DMD: variants seen among roughly 807,000 people sequenced by gnomAD.
DMD encodes mutant dystrophin.
In DMD, 63 loss-of-function variants were observed where a neutral mutation model predicts 330.1. That is an observed-to-expected ratio of 0.19 (90% CI 0.16 to 0.24). The LOEUF is 0.24. Among genes scored for constraint, DMD ranks in the 10% least tolerant of loss-of-function variants. DMD has a pLI of 1.00. For missense variants in DMD, 3,344 were observed against 2,684.1 expected (o/e 1.25, Z -5.43); for synonymous variants, 1,223 against 959.8 (o/e 1.27, Z -5.07).
chrX:32,568,814 T>C (rs762467261), intron 15 of DMD, among the ~76,000 whole-genome samples: 1 of 111,761 alleles, frequency 8.9e-6, no homozygotes, highest in Non-Finnish European at 1.9e-5. Flanking sequence ...TGGGGCCAGA[T>C]ACATTAGATC....
chrX:32,599,914 T>A lies in DMD; in HGVS notation c.1483-4038A>T, dbSNP rs746011001. Among the ~76,000 whole-genome samples, 10 of 112,103 alleles carry A rather than the reference T, an allele frequency of 8.9e-5. No homozygotes were observed. The East Asian group carries it at 2.8e-3, about 31-fold the overall frequency. On this transcript the variant is annotated intron_variant, in intron 12 of 78. Coordinates refer to ENST00000357033, the MANE Select transcript of DMD (RefSeq NM_004006.3). ...TGTCAAATGTCAAATAATGTATTTT[T>A]TTCTTTATGACAAGAGAAAAGGCCA...
chrX:32,620,273 T>A (rs1371228305), intron 11 of DMD, among the ~76,000 whole-genome samples: 1 of 111,993 alleles, frequency 8.9e-6, no homozygotes, highest in Non-Finnish European at 1.9e-5. Context: ...TAATGTTACA[T>A]ACCACTCACA....
chrX:32,152,100 A>G (rs2096806538), intron 44 of DMD, among the ~76,000 whole-genome samples: 1 of 111,985 alleles, frequency 8.9e-6, no homozygotes, highest in African/African-American at 3.2e-5. Context: ...AATTGTTAAT[A>G]TATTTTAACT....
intron 44 of DMD, among the ~76,000 whole-genome samples, chrX:31,999,343 T>C (rs2095610205): frequency 8.9e-6 from 1 of 111,938 alleles, no homozygotes; most frequent in Admixed American, 9.5e-5. Context: ...CTGAAATTGA[T>C]AGCAATGCCA....
At chrX:31,393,775 T>C (rs1450134328) in intron 60 of DMD, among the ~76,000 whole-genome samples, 2 of 111,673 alleles carry the variant, frequency 1.8e-5, no homozygotes, top group Non-Finnish European at 3.8e-5. Context: ...AGTGGTGAAG[T>C]TCCAATTCAC....
At chrX:32,192,845 A>G (rs2096981932) in intron 44 of DMD, among the ~76,000 whole-genome samples, 1 of 112,045 alleles carries the variant, frequency 8.9e-6, no homozygotes, top group South Asian at 3.7e-4. Flanking sequence ...AAGTAAAATC[A>G]CTGTTACTGT....
At chrX:32,503,629 C>T (rs750861749) in intron 18 of DMD, among the ~76,000 whole-genome samples, 22 of 111,268 alleles carry the variant, frequency 2.0e-4, no homozygotes, top group Non-Finnish European at 2.8e-4. Flanking sequence ...GATCTCAGCT[C>T]ACTGCAACCT....
At chrX:32,178,940 TTCTC>T (rs528690053) in intron 44 of DMD, among the ~76,000 whole-genome samples, 1,331 of 68,545 alleles carry the variant, frequency 0.019, 16 homozygotes, top group East Asian at 0.039. Context: ...AAACCCCAGA[TTCTC>T]TCTCTCTCTC....
intron 62 of DMD, among the ~76,000 whole-genome samples, chrX:31,269,671 T>C (rs2036554739): frequency 8.9e-6 from 1 of 111,976 alleles, no homozygotes; most frequent in Non-Finnish European, 1.9e-5. Flanking sequence ...TTGCTAGAAA[T>C]AGAGATAAAG....
chrX:32,433,794 C>G (rs1215681179), intron 29 of DMD, among the ~76,000 whole-genome samples: 1 of 112,095 alleles, frequency 8.9e-6, no homozygotes, highest in Non-Finnish European at 1.9e-5. Context: ...TAACCAAATA[C>G]TATTACCAAT....
intron 24 of DMD, 30 bp from the exon 25 acceptor site, chrX:32,463,624 G>T: frequency 5.5e-6 from 6 of 1,086,129 alleles, no homozygotes; most frequent in Non-Finnish European, 6.1e-6. Context: ...TAAGCCAGCT[G>T]AAAAAAATTA....
chrX:31,548,151 T>A (rs2147715911), intron 55 of DMD, among the ~76,000 whole-genome samples: 1 of 112,030 alleles, frequency 8.9e-6, no homozygotes, highest in South Asian at 3.8e-4. Flanking sequence ...TTGGGGCTTT[T>A]GACTTCAATT....
chrX:31,689,905 C>A (rs2082988941), intron 52 of DMD, among the ~76,000 whole-genome samples: 1 of 111,839 alleles, frequency 8.9e-6, no homozygotes, highest in African/African-American at 3.3e-5. Flanking sequence ...GCTGGGAAAA[C>A]TGGCTAGCCA....
intron 52 of DMD, among the ~76,000 whole-genome samples, chrX:31,708,369 G>A (rs5927814): frequency 0.18 from 19,588 of 110,278 alleles, 1,395 homozygotes; most frequent in East Asian, 0.36. Context: ...CACAATATAC[G>A]GGCAGATCTA....
intron 44 of DMD, chrX:32,035,693 G>T: frequency 6.4e-6 from 1 of 155,988 alleles, no homozygotes; most frequent in Non-Finnish European, 1.2e-5. Context: ...TTTGGACAGT[G>T]GGATAATAAG....
chrX:32,818,714 G>A (rs775544025), intron 5 of DMD, among the ~76,000 whole-genome samples: 1 of 111,355 alleles, frequency 9.0e-6, no homozygotes, highest in Non-Finnish European at 1.9e-5. Context: ...GGAAGGGCTT[G>A]TTGCTCCAGC....
chrX:32,891,865 A>G (rs7883109), intron 2 of DMD, among the ~76,000 whole-genome samples: 129 of 111,691 alleles, frequency 1.2e-3, no homozygotes, highest in African/African-American at 4.0e-3. Flanking sequence ...TCCTCAAATC[A>G]TTCTTCCCCA....
chrX:32,591,633 T>C (rs1362604486), intron 13 of DMD, among the ~76,000 whole-genome samples: 1 of 112,517 alleles, frequency 8.9e-6, no homozygotes, highest in East Asian at 2.8e-4. Flanking sequence ...ACTGCAAAGA[T>C]GCCAGCTGCA....
intron 1 of DMD, among the ~76,000 whole-genome samples, chrX:33,166,225 A>C (rs1475558142): frequency 9.0e-6 from 1 of 111,401 alleles, no homozygotes; most frequent in African/African-American, 3.3e-5. Flanking sequence ...ACACAGCTCA[A>C]CAATATCATT....
Sources: allele counts gnomAD v4.1 joint callset (sites outside exome capture counted in the v4.1 genomes callset), GRCh38; gene constraint gnomAD v4.1.1; transcripts MANE v1.5; gene names NCBI Gene and HGNC (gene_info 2026-07-23, HGNC 2026-07-21).